The following CSMD1 variants were observed in gnomAD, a reference collection of about 807,000 sequenced individuals.
CSMD1 encodes the protein CUB and Sushi multiple domains 1.
In CSMD1, 213 loss-of-function variants were observed where a neutral mutation model predicts 417.5. That is an observed-to-expected ratio of 0.51 (90% confidence interval 0.46 to 0.57). The LOEUF is 0.57. CSMD1 is among the 20% of genes least tolerant of loss of function. The pLI is 0.00. For missense variants in CSMD1, 6,923 were observed against 4,529.7 expected (o/e 1.53, Z -15.17); for synonymous variants, 2,862 against 1,736.8 (o/e 1.65, Z -16.11).
chr8:4,237,485 C>G (rs1036404780), intron 3 of CSMD1, among the ~76,000 whole-genome samples: 1 of 151,974 alleles, frequency 6.6e-6, no homozygotes, highest in African/African-American at 2.4e-5. Context: ...GGTAATATGG[C>G]TAAACGGTCT....
At chr8:3,161,191 T>A (rs1819870097) in intron 38 of CSMD1, among the ~76,000 whole-genome samples, 1 of 152,162 alleles carries the variant, frequency 6.6e-6, no homozygotes, top group African/African-American at 2.4e-5. Context: ...ATAATTATGC[T>A]AAGTGATAGA....
intron 2 of CSMD1, among the ~76,000 whole-genome samples, chr8:4,477,808 G>C (rs1000648581): frequency 2.6e-5 from 4 of 152,144 alleles, no homozygotes; most frequent in African/African-American, 9.7e-5. Context: ...TACAGATTTG[G>C]TTAGTATGTG....
intron 37 of CSMD1, among the ~76,000 whole-genome samples, chr8:3,174,937 A>C (rs895608004): frequency 3.3e-5 from 5 of 152,124 alleles, no homozygotes; most frequent in African/African-American, 1.2e-4. Context: ...GTGAGATCTT[A>C]TTTGTTCATG....
In CSMD1 at chr8:4,565,749, CATATATATATATATATATATATATATAT is replaced by C. The variant is rs58696547; in HGVS notation, c.302+71565_302+71592del. ...CACTCCACCTTAAAAAAAATATATA[CATATATATATATATATATATATATATAT>C]ATATATATATATATATATATGTATA... On this transcript the variant is annotated intron_variant, in intron 2 of 69. Transcript: ENST00000635120. Among the ~76,000 whole-genome samples the C allele has an allele frequency of 4.6e-3, 542 of 118,436 alleles. 12 individuals carry two copies. Among genetic ancestry groups the C allele is most frequent in the Middle Eastern group, 9.5e-3 (2 of 210 alleles). The allele number at this position is 118,436 out of a possible 152,430, so 77.7% of individuals were successfully genotyped here. A position where few individuals can be genotyped will look rare whatever the true frequency, so the allele number is the denominator to read the frequency against.
At chr8:3,664,288 G>C (rs1169596751) in intron 7 of CSMD1, among the ~76,000 whole-genome samples, 1 of 152,096 alleles carries the variant, frequency 6.6e-6, no homozygotes, top group Non-Finnish European at 1.5e-5. Flanking sequence ...GCGGTGTTTG[G>C]TTTTCTGTCC....
At chr8:3,292,925 T>A (rs1211502588) in intron 25 of CSMD1, among the ~76,000 whole-genome samples, 1 of 152,186 alleles carries the variant, frequency 6.6e-6, no homozygotes, top group Non-Finnish European at 1.5e-5. Flanking sequence ...CTAGTCTCGA[T>A]GGTCTTTACA....
At chr8:3,661,478 T>C (rs1404297015) in intron 7 of CSMD1, among the ~76,000 whole-genome samples, 1 of 151,244 alleles carries the variant, frequency 6.6e-6, no homozygotes, top group Non-Finnish European at 1.5e-5. Context: ...TTGCGAAATG[T>C]TCATTGCTCA....
chr8:3,382,926 C>T (rs545577089), intron 18 of CSMD1, among the ~76,000 whole-genome samples: 10 of 151,894 alleles, frequency 6.6e-5, no homozygotes, highest in Non-Finnish European at 1.2e-4. Context: ...TCAAAAAAAC[C>T]CAAAACTAAA....
chr8:3,917,416 A>AACAC lies in CSMD1; in HGVS notation c.818+80483_818+80486dup, dbSNP rs56102573. On this transcript the variant is annotated intron_variant, in intron 5 of 69. Transcript: ENST00000635120. ...GAGTTTGGGTTTGGTTATACCACGA[A>AACAC]ACACACACACACACACACACACACG... Among the ~76,000 whole-genome samples the AACAC allele has an allele frequency of 6.1e-3, 913 of 150,296 alleles. 2 individuals carry two copies. The highest frequency in any genetic ancestry group is 9.7e-3 in the Non-Finnish European group (652 of 67,406).
chr8:4,038,020 G>C (rs1281890495), intron 3 of CSMD1, among the ~76,000 whole-genome samples: 2 of 151,994 alleles, frequency 1.3e-5, no homozygotes, highest in South Asian at 4.1e-4. Flanking sequence ...CCCACACTTG[G>C]TAAAAAGTGT....
chr8:3,786,665 C>G (rs1488891520), intron 5 of CSMD1, among the ~76,000 whole-genome samples: 7 of 152,120 alleles, frequency 4.6e-5, no homozygotes, highest in Admixed American at 4.6e-4. Flanking sequence ...TGATAAAATA[C>G]TACAGACTTT....
chr8:4,833,097 G>A (rs1585179416), intron 1 of CSMD1, among the ~76,000 whole-genome samples: 1 of 152,114 alleles, frequency 6.6e-6, no homozygotes, highest in Admixed American at 6.6e-5. Flanking sequence ...ATTTAAATCT[G>A]TATTTGAGTT....
At chr8:3,510,854 T>G (rs953649385) in intron 10 of CSMD1, among the ~76,000 whole-genome samples, 4 of 151,792 alleles carry the variant, frequency 2.6e-5, no homozygotes, top group Non-Finnish European at 5.9e-5. Context: ...TTTGATGGGG[T>G]TGTTTTTTCC....
At chr8:3,241,366 G>A (rs535953731) in intron 26 of CSMD1, among the ~76,000 whole-genome samples, 1 of 152,086 alleles carries the variant, frequency 6.6e-6, no homozygotes, top group South Asian at 2.1e-4. Context: ...GGAGTGGGTA[G>A]CCTCCATATT....
At chr8:4,291,064 A>T (rs575744178) in intron 3 of CSMD1, among the ~76,000 whole-genome samples, 1 of 152,324 alleles carries the variant, frequency 6.6e-6, no homozygotes, top group African/African-American at 2.4e-5. Context: ...TGGGAATAAT[A>T]ATGGAATTTC....
intron 7 of CSMD1, among the ~76,000 whole-genome samples, chr8:3,704,106 T>A (rs1449448815): frequency 6.6e-6 from 1 of 151,916 alleles, no homozygotes; most frequent in Non-Finnish European, 1.5e-5. Flanking sequence ...CTCTCTTAAG[T>A]CTTATAATTA....
chr8:4,312,294 G>A (rs1036809535), intron 3 of CSMD1, among the ~76,000 whole-genome samples: 27 of 150,616 alleles, frequency 1.8e-4, no homozygotes, highest in African/African-American at 6.4e-4. Flanking sequence ...TACTCATATA[G>A]GTATTTTAAC....
In CSMD1 at chr8:4,000,499, G is replaced by A. The variant is rs955219019; in HGVS notation, c.611-2389C>T. 2.0e-5 allele frequency among the ~76,000 whole-genome samples: 3 copies of A among 152,340 alleles called. 1 individual carries two copies. The highest frequency in any genetic ancestry group is 2.0e-4 in the Admixed American group (3 of 15,302). On this transcript the variant is annotated intron_variant, in intron 4 of 69. Coordinates refer to ENST00000635120, the MANE Select transcript of CSMD1 (RefSeq NM_033225.6). ...ACTACTGAGATTCAGATATTGGGCA[G>A]AATTCAGCTCTAAGCCCCTTGTGTT... is the stretch of plus-strand genomic sequence containing the variant.
At chr8:4,142,807 T>C (rs17069132) in intron 3 of CSMD1, among the ~76,000 whole-genome samples, 5,711 of 151,138 alleles carry the variant, frequency 0.038, 679 homozygotes, top group African/African-American at 0.13. Flanking sequence ...TATTTATTTT[T>C]AAAAGCCTAA....
Sources: allele counts gnomAD v4.1 joint callset (sites outside exome capture counted in the v4.1 genomes callset), GRCh38; gene constraint gnomAD v4.1.1; transcripts MANE v1.5; gene names NCBI Gene and HGNC (gene_info 2026-07-23, HGNC 2026-07-21).